The following TSHZ2 variants were observed in gnomAD, a reference collection of about 807,000 sequenced individuals.
TSHZ2 encodes the protein teashirt zinc finger homeobox 2.
Under a neutral mutation model 74.4 loss-of-function variants are expected in TSHZ2, and 21 were observed. The ratio of observed to expected loss-of-function variants is 0.28; its 90% CI spans 0.20 to 0.41. The LOEUF (loss-of-function observed/expected upper bound fraction) is 0.41, where lower values mean the gene tolerates loss of function less well. Ranked by LOEUF, TSHZ2 falls within the 10% of genes least tolerant of loss-of-function variation. TSHZ2 has a pLI of 1.00. For missense variants in TSHZ2, 1,244 were observed against 1,293.5 expected, an observed-to-expected ratio of 0.96 and a Z score of 0.59; for synonymous variants, 540 against 515.3, an observed-to-expected ratio of 1.05 and a Z score of -0.65.
chr20:53,028,687 A>C (rs867313589), intron 1 of TSHZ2, among the ~76,000 whole-genome samples: 2 of 152,116 alleles, frequency 1.3e-5, no homozygotes, highest in Admixed American at 6.5e-5. Flanking sequence ...TGCCTGCCGG[A>C]TTGTGAGATG....
chr20:53,047,324 T>C (rs1371667155), intron 1 of TSHZ2, among the ~76,000 whole-genome samples: 1 of 152,182 alleles, frequency 6.6e-6, no homozygotes, highest in Non-Finnish European at 1.5e-5. Flanking sequence ...GGACACTTCT[T>C]GGTGTTGGGA....
intron 2 of TSHZ2, among the ~76,000 whole-genome samples, chr20:53,274,142 T>C (rs928427106): frequency 1.3e-5 from 2 of 152,166 alleles, no homozygotes; most frequent in Admixed American, 6.5e-5. Context: ...TGGTGGCGCG[T>C]GCCTGTAATC....
rs188088581 is a variant in TSHZ2, at chr20:53,427,967, T to C, written c.*9-59177T>C. Among the ~76,000 whole-genome samples the C allele has an allele frequency of 7.1e-4, 108 of 152,360 alleles. 1 individual carries two copies. Among genetic ancestry groups the C allele is most frequent in the Admixed American group, 5.2e-4 (8 of 15,296 alleles). On this transcript the variant is annotated intron_variant, in intron 2 of 2. Transcript: ENST00000371497. ...GAGATGGGTCTGAGATCATGTGGCCTTCCAGAAATCCTTTAACTTATCCAA... is the reference window on the plus strand; with the variant it reads ...GAGATGGGTCTGAGATCATGTGGCCCTCCAGAAATCCTTTAACTTATCCAA...
At chr20:53,284,473 A>G (rs951112416) in intron 2 of TSHZ2, among the ~76,000 whole-genome samples, 6 of 152,190 alleles carry the variant, frequency 3.9e-5, no homozygotes, top group Non-Finnish European at 7.3e-5. Context: ...TCAAATGATG[A>G]TAAGTGTATG....
chr20:53,283,517 C>T (rs910739742), intron 2 of TSHZ2, among the ~76,000 whole-genome samples: 4 of 152,150 alleles, frequency 2.6e-5, no homozygotes, highest in Non-Finnish European at 5.9e-5. Context: ...TGGATTTAAA[C>T]CCCAGCTCTG....
intron 1 of TSHZ2, among the ~76,000 whole-genome samples, chr20:52,987,941 G>A (rs568491246): frequency 3.5e-4 from 53 of 152,262 alleles, no homozygotes; most frequent in African/African-American, 1.2e-3. Flanking sequence ...AACCTGGGTT[G>A]TATTTTTTGG....
chr20:53,176,053 C>G (rs982451093), intron 1 of TSHZ2, among the ~76,000 whole-genome samples: 2 of 152,196 alleles, frequency 1.3e-5, no homozygotes, highest in African/African-American at 4.8e-5. Flanking sequence ...ATATTTGACA[C>G]TGACTGGACA....
At chr20:53,204,128 T>TATGATACTATTATATCATCATATG in intron 1 of TSHZ2, among the ~76,000 whole-genome samples, 18 of 93,120 alleles carry the variant, frequency 1.9e-4, no homozygotes, top group Non-Finnish European at 3.5e-4. Flanking sequence ...CATATGATGA[T>TATGATACTATTATATCATCATATG]ATGATATACT....
At chr20:53,190,760 C>G (rs1988718156) in intron 1 of TSHZ2, among the ~76,000 whole-genome samples, 1 of 152,188 alleles carries the variant, frequency 6.6e-6, no homozygotes, top group Admixed American at 6.5e-5. Flanking sequence ...GGATTTCAAA[C>G]CCACATTTCT....
rs751446698 is a variant in TSHZ2, at chr20:53,254,392, A to G, written c.934A>G (p.Ile312Val). The G allele has an allele frequency of 6.2e-7, 1 of 1,613,802 alleles. No homozygotes were observed. The highest frequency in any genetic ancestry group is 2.2e-5 in the East Asian group (1 of 44,862). The change falls in exon 2 of 3, where the codon ATT (isoleucine) becomes GTT (valine). Residue 312 changes from isoleucine to valine, a missense_variant. Ile to Val is a conservative substitution (Grantham distance 29). This residue lies in a region of TSHZ2 where 470 missense variants were observed against 456.5 expected (regional missense o/e 1.03). Transcript: ENST00000371497. ...KVPLKEPVPT[I>V]SSKMVTPAKK... is the part of the protein sequence containing the mutation. ...GCCTTTGAAGGAGCCAGTCCCAACC[A>G]TTTCCTCGAAAATGGTCACCCCGGC...
chr20:53,051,494 C>CACA (rs1234256850), intron 1 of TSHZ2, among the ~76,000 whole-genome samples: 3 of 147,924 alleles, frequency 2.0e-5, no homozygotes, highest in East Asian at 3.9e-4. Flanking sequence ...CACACACACA[C>CACA]AATTCAGGTG....
At chr20:53,105,150 T>C (rs1400425108) in intron 1 of TSHZ2, among the ~76,000 whole-genome samples, 1 of 152,232 alleles carries the variant, frequency 6.6e-6, no homozygotes, top group Non-Finnish European at 1.5e-5. Flanking sequence ...CACGAGAGTC[T>C]GTCTTCAGAG....
intron 1 of TSHZ2, among the ~76,000 whole-genome samples, chr20:53,104,167 G>A (rs536332276): frequency 2.4e-4 from 36 of 151,484 alleles, no homozygotes; most frequent in African/African-American, 4.6e-4. Flanking sequence ...CTGGGCACGC[G>A]TGCTGTGAAT....
intron 2 of TSHZ2, among the ~76,000 whole-genome samples, chr20:53,403,675 T>C (rs764363668): frequency 1.1e-4 from 16 of 152,206 alleles, no homozygotes; most frequent in Non-Finnish European, 2.4e-4. Context: ...ACAGAAACGC[T>C]TCCATCTCTG....
intron 2 of TSHZ2, among the ~76,000 whole-genome samples, chr20:53,259,093 C>T (rs1252534828): frequency 6.6e-6 from 1 of 152,166 alleles, no homozygotes; most frequent in Non-Finnish European, 1.5e-5. Flanking sequence ...TATGCAATAC[C>T]TTGCCCATTG....
chr20:53,118,325 A>C (rs1986723149), intron 1 of TSHZ2, among the ~76,000 whole-genome samples: 1 of 152,154 alleles, frequency 6.6e-6, no homozygotes, highest in Non-Finnish European at 1.5e-5. Context: ...AAAGAAGAAG[A>C]AAATCCTAGT....
intron 2 of TSHZ2, among the ~76,000 whole-genome samples, chr20:53,372,653 C>G (rs1981518428): frequency 6.6e-6 from 1 of 152,162 alleles, no homozygotes; most frequent in Admixed American, 6.5e-5. Context: ...CTTTGCTGGC[C>G]TTTCCATTCA....
Position 53,347,087 on chromosome 20 carries a change from T to C in TSHZ2, c.*8+90516T>C, listed in dbSNP as rs1400908063. On this transcript the variant is annotated intron_variant, in intron 2 of 2. Coordinates refer to ENST00000371497, the MANE Select transcript of TSHZ2 (RefSeq NM_173485.6). Reference sequence around the variant, plus strand: ...GAAAGCAGTCCCTCACCCTACCTTATACAAAAGTGGCTGCTTTTCAACAGC... The same window carrying C: ...GAAAGCAGTCCCTCACCCTACCTTACACAAAAGTGGCTGCTTTTCAACAGC... 2.6e-5 allele frequency among the ~76,000 whole-genome samples: 4 copies of C among 152,202 alleles called. No homozygotes were observed. The South Asian group carries it at 8.3e-4, about 32-fold the overall frequency.
intron 1 of TSHZ2, among the ~76,000 whole-genome samples, chr20:52,997,778 G>T (rs1162390951): frequency 2.0e-5 from 3 of 152,176 alleles, no homozygotes; most frequent in Admixed American, 2.0e-4. Flanking sequence ...CAAGCTCCAG[G>T]CAGAGGGTTT....
Sources: allele counts gnomAD v4.1 joint callset (sites outside exome capture counted in the v4.1 genomes callset), GRCh38; gene constraint gnomAD v4.1.1; regional missense constraint gnomAD v4.1.1; transcripts MANE v1.5; gene names NCBI Gene and HGNC (gene_info 2026-07-23, HGNC 2026-07-21).